Variants in EPHA5 observed in about 807,000 individuals in gnomAD.
EPHA5 encodes ephrin type-A receptor 5.
Under a neutral mutation model 105.0 loss-of-function variants are expected in EPHA5, and 60 were observed. The ratio of observed to expected loss-of-function variants is 0.57; its 90% CI spans 0.46 to 0.71. The LOEUF (loss-of-function observed/expected upper bound fraction) is 0.71. Ranked by LOEUF, EPHA5 falls within the 30% of genes least tolerant of loss-of-function variation. EPHA5 has a pLI of 0.00. For synonymous variants in EPHA5, 513 were observed against 449.1 expected, an observed-to-expected ratio of 1.14 and a Z score of -1.80; for missense variants, 1,218 against 1,274.7, an observed-to-expected ratio of 0.96 and a Z score of 0.68.
intron 4 of EPHA5, among the ~76,000 whole-genome samples, chr4:65,494,384 C>T (rs1731712803): frequency 6.6e-6 from 1 of 152,124 alleles, no homozygotes. Context: ...TTGAAAGCAG[C>T]TACAACTTTC....
chr4:65,573,882 C>G (rs1021875820), intron 3 of EPHA5: 1 of 1,612,026 alleles, frequency 6.2e-7, no homozygotes, highest in East Asian at 2.2e-5. Context: ...GAGAAAACTG[C>G]GAGCCAGCAT....
intron 14 of EPHA5, among the ~76,000 whole-genome samples, chr4:65,343,379 C>T (rs983124276): frequency 1.3e-5 from 2 of 152,128 alleles, no homozygotes; most frequent in Non-Finnish European, 2.9e-5. Context: ...AATCCCAGGA[C>T]TCCTACTGCT....
chr4:65,480,009 A>G (rs1010371978), intron 5 of EPHA5, among the ~76,000 whole-genome samples: 1 of 152,150 alleles, frequency 6.6e-6, no homozygotes, highest in African/African-American at 2.4e-5. Flanking sequence ...TCAAGATGGA[A>G]ATGTGCCATG....
At chr4:65,486,731 T>A (rs1730917921) in intron 5 of EPHA5, among the ~76,000 whole-genome samples, 2 of 152,234 alleles carry the variant, frequency 1.3e-5, no homozygotes, top group Admixed American at 1.3e-4. Flanking sequence ...TTAAAAAGTG[T>A]TTTGCCATGG....
intron 14 of EPHA5, among the ~76,000 whole-genome samples, chr4:65,336,536 A>C (rs550420157): frequency 6.6e-6 from 1 of 152,280 alleles, no homozygotes; most frequent in African/African-American, 2.4e-5. Flanking sequence ...CTATGTGCAC[A>C]GCCACATTTT....
chr4:65,506,916 G>C (rs1733089064), intron 3 of EPHA5, among the ~76,000 whole-genome samples: 1 of 151,992 alleles, frequency 6.6e-6, no homozygotes, highest in South Asian at 2.1e-4. Context: ...TTGGTGTTTG[G>C]TGTTTTAGAC....
At chr4:65,446,816 G>A (rs1726580918) in intron 5 of EPHA5, among the ~76,000 whole-genome samples, 1 of 151,924 alleles carries the variant, frequency 6.6e-6, no homozygotes, top group African/African-American at 2.4e-5. Context: ...TGGTGAAGTT[G>A]GAGAATAAAA....
At chr4:65,372,125 T>C (rs17086136) in intron 8 of EPHA5, among the ~76,000 whole-genome samples, 7,600 of 152,026 alleles carry the variant, frequency 0.05, 346 homozygotes, top group African/African-American at 0.11. Context: ...AACAAGGACC[T>C]CAACCATTGC....
intron 14 of EPHA5, among the ~76,000 whole-genome samples, chr4:65,337,189 C>T (rs1721268038): frequency 6.6e-6 from 1 of 151,888 alleles, no homozygotes; most frequent in Non-Finnish European, 1.5e-5. Flanking sequence ...ATGAGCATAC[C>T]CATTACCTCA....
At chr4:65,415,878 T>C (rs1723337582) in intron 6 of EPHA5, among the ~76,000 whole-genome samples, 1 of 152,072 alleles carries the variant, frequency 6.6e-6, no homozygotes, top group African/African-American at 2.4e-5. Flanking sequence ...AATGTGTTCC[T>C]TTTAACAACT....
At chr4:65,518,929 A>T in intron 3 of EPHA5, among the ~76,000 whole-genome samples, 1 of 152,104 alleles carries the variant, frequency 6.6e-6, no homozygotes, top group African/African-American at 2.4e-5. Flanking sequence ...TATTCCAACC[A>T]ATAGAAAAAG....
In EPHA5 at chr4:65,378,710, C is replaced by T. The variant is rs531682903; in HGVS notation, c.1794-11286G>A. ...ATCAAATATCTGGCCCTTTAAAAAC[C>T]GTTTGCCCTCCTTTGTTAGACTGCT... On this transcript the variant is annotated intron_variant, in intron 8 of 16. Coordinates refer to ENST00000613740, the MANE Select transcript of EPHA5 (RefSeq NM_001281766.3). Among the ~76,000 whole-genome samples, 6 of 152,008 alleles carry T rather than the reference C, an allele frequency of 3.9e-5. No homozygotes were observed. The South Asian group carries it at 1.0e-3, about 26-fold the overall frequency.
At chr4:65,426,475 T>C (rs1724449802) in intron 5 of EPHA5, among the ~76,000 whole-genome samples, 1 of 151,974 alleles carries the variant, frequency 6.6e-6, no homozygotes, top group Non-Finnish European at 1.5e-5. Context: ...TGAAATGATA[T>C]GCTTATTTCT....
intron 5 of EPHA5, among the ~76,000 whole-genome samples, chr4:65,443,217 C>T (rs960732722): frequency 6.6e-6 from 1 of 151,958 alleles, no homozygotes; most frequent in Admixed American, 6.6e-5. Flanking sequence ...TTCTGCTTTT[C>T]ATTACTTTTT....
In EPHA5 at chr4:65,465,271, C is replaced by T. The variant is rs1012391219; in HGVS notation, c.1402+25106G>A. ...GTCAAATAGTGAAACCCCGTCTCTA[C>T]TAACAATACAAAAAATTAGCCGGGC... On this transcript the variant is annotated intron_variant, in intron 5 of 16. Transcript: ENST00000613740. Among the ~76,000 whole-genome samples the T allele has an allele frequency of 2.0e-5, 3 of 151,664 alleles. No homozygotes were observed. The South Asian group carries it at 6.2e-4, about 32-fold the overall frequency.
At chr4:65,484,926 C>G (rs1730735877) in intron 5 of EPHA5, among the ~76,000 whole-genome samples, 1 of 151,676 alleles carries the variant, frequency 6.6e-6, no homozygotes, top group African/African-American at 2.4e-5. Flanking sequence ...TTCATAAGTC[C>G]TAAAAGAATA....
chr4:65,353,527 CA>C (rs1723026597), intron 11 of EPHA5, among the ~76,000 whole-genome samples: 3 of 151,086 alleles, frequency 2.0e-5, no homozygotes, highest in East Asian at 2.0e-4. Flanking sequence ...CACACACACA[CA>C]CACACCCTTG....
At chr4:65,600,569 C>G (rs1454158402) in intron 3 of EPHA5, among the ~76,000 whole-genome samples, 17 of 152,044 alleles carry the variant, frequency 1.1e-4, no homozygotes, top group Non-Finnish European at 7.4e-5. Context: ...TACAGTCAAG[C>G]AAGAACAAAT....
At position 65,471,945 on chromosome 4, in the gene EPHA5, A is replaced by G. The variant is rs376195074; in HGVS notation, c.1402+18432T>C. Among the ~76,000 whole-genome samples, 19 of 152,238 alleles carry G rather than the reference A, an allele frequency of 1.2e-4. No homozygotes were observed. The South Asian group carries it at 3.7e-3, about 30-fold the overall frequency. On this transcript the variant is annotated intron_variant, in intron 5 of 16. Coordinates refer to ENST00000613740, the MANE Select transcript of EPHA5 (RefSeq NM_001281766.3). ...ATCATGCCTTCTCAACAGTCCCCCC[A>G]AATCTTAACTCATTACACCAAATTA...
Sources: allele counts gnomAD v4.1 joint callset (sites outside exome capture counted in the v4.1 genomes callset), GRCh38; gene constraint gnomAD v4.1.1; transcripts MANE v1.5; gene names NCBI Gene and HGNC (gene_info 2026-07-23, HGNC 2026-07-21).